CENPW: variants seen among roughly 807,000 people sequenced by gnomAD.
CENPW encodes the protein cancer-up-regulated gene 2 protein.
A neutral mutation model predicts 11.1 loss-of-function variants in CENPW; 3 were observed. That is an observed-to-expected ratio of 0.27 (90% CI 0.12 to 0.70). CENPW has a LOEUF of 0.70. Ranked by LOEUF, CENPW falls within the 30% of genes least tolerant of loss-of-function variation. The pLI, the probability that CENPW is intolerant of heterozygous loss-of-function variation, is 0.77. For synonymous variants in CENPW, 38 were observed against 42.0 expected (o/e 0.91, Z 0.37); for missense variants, 100 against 105.6 (o/e 0.95, Z 0.23).
chr6:126,436,858 C>T, the CENPW span, among the ~76,000 whole-genome samples: 1 of 151,802 alleles, frequency 6.6e-6, no homozygotes, highest in Non-Finnish European at 1.5e-5. Flanking sequence ...GGCATATGGC[C>T]TGCTTTCTTT....
At chr6:126,415,429 C>A in the CENPW span, among the ~76,000 whole-genome samples, 3 of 151,952 alleles carry the variant, frequency 2.0e-5, no homozygotes, top group Non-Finnish European at 2.9e-5. Context: ...TTAAATATAT[C>A]ATTAAATGAA....
At chr6:126,422,604 A>G in the CENPW span, among the ~76,000 whole-genome samples, 2 of 152,104 alleles carry the variant, frequency 1.3e-5, no homozygotes, top group African/African-American at 4.8e-5. Flanking sequence ...TCAGTCTATC[A>G]CAGTCTTTCA....
At chr6:126,440,944 A>G in the CENPW span, among the ~76,000 whole-genome samples, 12 of 151,576 alleles carry the variant, frequency 7.9e-5, no homozygotes, top group African/African-American at 2.9e-4. Flanking sequence ...ACAACGGAAG[A>G]TATTTATTTG....
chr6:126,376,008 C>T, the CENPW span, among the ~76,000 whole-genome samples: 1 of 152,112 alleles, frequency 6.6e-6, no homozygotes, highest in Non-Finnish European at 1.5e-5. Flanking sequence ...TGGAAAGTCT[C>T]ATAATGTAGT....
chr6:126,385,664 C>A, the CENPW span, among the ~76,000 whole-genome samples: 1 of 151,960 alleles, frequency 6.6e-6, no homozygotes, highest in East Asian at 1.9e-4. Context: ...GCCATTTTGC[C>A]CATGCTGTTC....
At chr6:126,469,137 G>A in the CENPW span, among the ~76,000 whole-genome samples, 3 of 152,222 alleles carry the variant, frequency 2.0e-5, no homozygotes, top group Admixed American at 2.0e-4. Flanking sequence ...GTTTGGCTCT[G>A]TGTCCCCACC....
intron 1 of CENPW, 107 bp from the exon 2 acceptor site, chr6:126,346,098 C>T (rs1330887555): frequency 1.9e-6 from 1 of 522,648 alleles, no homozygotes; most frequent in Non-Finnish European, 3.4e-6. Context: ...TACTTAATCA[C>T]AATGGTAAAT....
chr6:126,391,843 T>C, the CENPW span, among the ~76,000 whole-genome samples: 1 of 152,080 alleles, frequency 6.6e-6, no homozygotes, highest in Non-Finnish European at 1.5e-5. Flanking sequence ...TCTGTTTTTA[T>C]GCCAGTGCCA....
chr6:126,475,911 C>T, the CENPW span, among the ~76,000 whole-genome samples: 5 of 151,914 alleles, frequency 3.3e-5, no homozygotes, highest in African/African-American at 1.2e-4. Flanking sequence ...TATCGAGTTG[C>T]CACTAACGCC....
the CENPW span, among the ~76,000 whole-genome samples, chr6:126,447,914 T>G: frequency 6.6e-6 from 1 of 151,328 alleles, no homozygotes; most frequent in Non-Finnish European, 1.5e-5. Context: ...CTTGTGTTGC[T>G]CCTCCGGGCA....
the CENPW span, among the ~76,000 whole-genome samples, chr6:126,418,917 A>C: frequency 8.7e-6 from 1 of 115,024 alleles, no homozygotes; most frequent in Non-Finnish European, 1.7e-5. Flanking sequence ...AACATCACAC[A>C]CCGGGGCCTG....
chr6:126,445,850 C>T, the CENPW span, among the ~76,000 whole-genome samples: 2 of 151,052 alleles, frequency 1.3e-5, no homozygotes, highest in African/African-American at 2.4e-5. Context: ...TTGCTTTTAT[C>T]CTAAATGTTT....
the CENPW span, among the ~76,000 whole-genome samples, chr6:126,363,746 A>G: frequency 6.6e-6 from 1 of 152,210 alleles, no homozygotes; most frequent in Admixed American, 6.5e-5. Flanking sequence ...AAACTCATCT[A>G]AGAAAATCTC....
the CENPW span, among the ~76,000 whole-genome samples, chr6:126,482,059 A>G: frequency 6.6e-6 from 1 of 152,034 alleles, no homozygotes; most frequent in Admixed American, 6.6e-5. Flanking sequence ...AAAACATCCC[A>G]AAATGCTAGA....
the CENPW span, among the ~76,000 whole-genome samples, chr6:126,383,020 A>T: frequency 6.6e-6 from 1 of 152,044 alleles, no homozygotes; most frequent in Non-Finnish European, 1.5e-5. Context: ...GAAGCTGCTA[A>T]AGAGAAAGAA....
At chr6:126,392,988 C>T in the CENPW span, among the ~76,000 whole-genome samples, 3 of 151,836 alleles carry the variant, frequency 2.0e-5, no homozygotes, top group Non-Finnish European at 4.4e-5. Flanking sequence ...TTAGTCTGCT[C>T]AGGTTTTGGA....
At chr6:126,472,115 A>G in the CENPW span, among the ~76,000 whole-genome samples, 1 of 152,306 alleles carries the variant, frequency 6.6e-6, no homozygotes, top group African/African-American at 2.4e-5. Context: ...AATATTATTT[A>G]ACCTTCCTTT....
the CENPW span, among the ~76,000 whole-genome samples, chr6:126,480,792 A>G: frequency 5.3e-5 from 8 of 152,062 alleles, no homozygotes; most frequent in Admixed American, 1.3e-4. Flanking sequence ...TTCTCAGTGC[A>G]ACATTTCTGA....
At chr6:126,458,861 C>G in the CENPW span, among the ~76,000 whole-genome samples, 16 of 151,252 alleles carry the variant, frequency 1.1e-4, no homozygotes, top group African/African-American at 3.9e-4. Flanking sequence ...ATATGTCTTG[C>G]TTAATTTTAC....
Sources: gnomAD v4.1 joint callset for allele counts (sites outside exome capture counted in the v4.1 genomes callset) on GRCh38, gnomAD v4.1.1 for gene constraint, MANE v1.5 for transcripts, NCBI Gene and HGNC (gene_info 2026-07-23, HGNC 2026-07-21) for gene names.